The following CPEB3 variants were observed in gnomAD, a reference collection of about 807,000 sequenced individuals.
CPEB3 encodes the protein cytoplasmic polyadenylation element binding protein 3.
CPEB3 carries 20 observed loss-of-function variants against 67.2 expected under a neutral mutation model. The observed-to-expected ratio is 0.30, with a 90% CI of 0.21 to 0.43. The LOEUF is 0.43. CPEB3 is among the 20% of genes least tolerant of loss of function. The probability of loss-of-function intolerance (pLI) is 1.00; values close to 1 mark genes in which losing one functional copy is unlikely to be tolerated. For missense variants in CPEB3, 746 were observed against 968.6 expected (o/e 0.77, Z 3.05); for synonymous variants, 376 against 393.1 (o/e 0.96, Z 0.51).
chr10:92,200,460 G>A (rs1357148878), intron 2 of CPEB3, among the ~76,000 whole-genome samples: 2 of 146,022 alleles, frequency 1.4e-5, no homozygotes, highest in Non-Finnish European at 3.0e-5. Context: ...CAGGAGAATT[G>A]CTTAAACCCG....
chr10:92,277,639 C>T lies in CPEB3; in HGVS notation c.-12+13287G>A, dbSNP rs546667181. Among the ~76,000 whole-genome samples, 117 of 152,246 alleles carry T rather than the reference C, an allele frequency of 7.7e-4. 1 individual carries two copies. Among genetic ancestry groups the T allele is most frequent in the African/African-American group, 2.8e-3 (115 of 41,546 alleles). On this transcript the variant is annotated intron_variant, in intron 1 of 9. Coordinates refer to ENST00000265997, the MANE Select transcript of CPEB3 (RefSeq NM_014912.5). ...GGCACAGTGGCTCATGCCCGTAATC[C>T]GAGCACGTTGGGAGGTCAAGGTTGG... is the stretch of plus-strand genomic sequence containing the variant.
intron 6 of CPEB3, among the ~76,000 whole-genome samples, chr10:92,115,319 A>AGAG (rs1844964047): frequency 6.6e-6 from 1 of 152,088 alleles, no homozygotes; most frequent in African/African-American, 2.4e-5. Flanking sequence ...ACACCCGACT[A>AGAG]ATTTTTGTAT....
intron 2 of CPEB3, chr10:92,216,886 C>A: frequency 8.6e-7 from 1 of 1,169,332 alleles, no homozygotes; most frequent in Non-Finnish European, 1.3e-6. Context: ...ACACTGACGG[C>A]ATCTTCCCAG....
chr10:92,088,683 T>G (rs978463199), intron 8 of CPEB3, among the ~76,000 whole-genome samples: 1 of 151,934 alleles, frequency 6.6e-6, no homozygotes, highest in African/African-American at 2.4e-5. Flanking sequence ...TGATAACATT[T>G]TAGTCACTGT....
chr10:92,263,342 T>A (rs1208505378), intron 1 of CPEB3, among the ~76,000 whole-genome samples: 1 of 152,226 alleles, frequency 6.6e-6, no homozygotes, highest in South Asian at 2.1e-4. Flanking sequence ...TCCCAAAGTG[T>A]TGGGATTACG....
chr10:92,185,806 C>T (rs954985249), intron 3 of CPEB3, among the ~76,000 whole-genome samples: 2 of 152,040 alleles, frequency 1.3e-5, no homozygotes, highest in Non-Finnish European at 2.9e-5. Flanking sequence ...AGAGACATTG[C>T]TTTAGAAAAG....
intron 1 of CPEB3, among the ~76,000 whole-genome samples, chr10:92,271,264 CT>C (rs761104971): frequency 2.6e-5 from 4 of 152,220 alleles, no homozygotes; most frequent in African/African-American, 4.8e-5. Context: ...TTACTCTACA[CT>C]TTTTGCCCCA....
chr10:92,201,233 A>G (rs919212257), intron 2 of CPEB3, among the ~76,000 whole-genome samples: 1 of 152,224 alleles, frequency 6.6e-6, no homozygotes, highest in Non-Finnish European at 1.5e-5. Flanking sequence ...GCATCAAAAA[A>G]GTACAAAAAT....
intron 4 of CPEB3, among the ~76,000 whole-genome samples, chr10:92,168,795 T>A (rs542730890): frequency 1.3e-5 from 2 of 149,138 alleles, no homozygotes; most frequent in African/African-American, 2.5e-5. Context: ...CTTGCCCTTT[T>A]TTTTTTTTTT....
At chr10:92,075,903 A>G (rs1417473291) in intron 9 of CPEB3, among the ~76,000 whole-genome samples, 1 of 152,230 alleles carries the variant, frequency 6.6e-6, no homozygotes. Flanking sequence ...AAAGAGATAA[A>G]GGAGATATAC....
intron 2 of CPEB3, among the ~76,000 whole-genome samples, chr10:92,196,564 C>T (rs947054652): frequency 1.3e-5 from 2 of 151,940 alleles, no homozygotes; most frequent in Non-Finnish European, 2.9e-5. Flanking sequence ...GTCAGGAGAT[C>T]GAGACCATCC....
intron 9 of CPEB3, among the ~76,000 whole-genome samples, chr10:92,079,358 TG>T (rs1843052831): frequency 1.3e-5 from 2 of 152,162 alleles, no homozygotes; most frequent in Admixed American, 1.3e-4. Context: ...CCCATCTTTG[TG>T]GAGCTTACAG....
At chr10:92,194,281 A>T (rs1849125778) in intron 2 of CPEB3, among the ~76,000 whole-genome samples, 1 of 151,820 alleles carries the variant, frequency 6.6e-6, no homozygotes, top group South Asian at 2.1e-4. Flanking sequence ...CTCTACCGAA[A>T]ATACAAAAAT....
chr10:92,195,347 A>G (rs1327949588), intron 2 of CPEB3, among the ~76,000 whole-genome samples: 1 of 152,190 alleles, frequency 6.6e-6, no homozygotes, highest in African/African-American at 2.4e-5. Context: ...TTTGGTCTCT[A>G]TACAATCTAA....
intron 4 of CPEB3, among the ~76,000 whole-genome samples, chr10:92,158,943 T>C (rs1424384699): frequency 6.6e-6 from 1 of 152,212 alleles, no homozygotes; most frequent in Admixed American, 6.5e-5. Context: ...TTTTAAAAAA[T>C]GATTTAGAGC....
At chr10:92,250,247 C>T (rs952768193) in intron 1 of CPEB3, among the ~76,000 whole-genome samples, 9 of 150,654 alleles carry the variant, frequency 6.0e-5, no homozygotes, top group African/African-American at 1.7e-4. Context: ...TCCACCACAC[C>T]CGGCTAATTT....
At chr10:92,118,330 C>G (rs532936631) in intron 6 of CPEB3, among the ~76,000 whole-genome samples, 1 of 152,232 alleles carries the variant, frequency 6.6e-6, no homozygotes, top group South Asian at 2.1e-4. Flanking sequence ...CGGGGTTTCA[C>G]CATGTTGGTC....
intron 4 of CPEB3, among the ~76,000 whole-genome samples, chr10:92,174,395 A>C (rs1049990234): frequency 7.9e-5 from 12 of 152,218 alleles, no homozygotes; most frequent in African/African-American, 2.9e-4. Context: ...AAACCTTCTA[A>C]AATGTTTTCA....
At chr10:92,169,168 TG>T (rs1197804958) in intron 4 of CPEB3, among the ~76,000 whole-genome samples, 1 of 151,052 alleles carries the variant, frequency 6.6e-6, no homozygotes, top group African/African-American at 2.4e-5. Context: ...GATGGAGTTT[TG>T]CTCTTATTGC....
Sources: gnomAD v4.1 joint callset for allele counts (sites outside exome capture counted in the v4.1 genomes callset) on GRCh38, gnomAD v4.1.1 for gene constraint, MANE v1.5 for transcripts, NCBI Gene and HGNC (gene_info 2026-07-23, HGNC 2026-07-21) for gene names.